Variants in SV2C observed in about 807,000 individuals in gnomAD.
SV2C encodes synaptic vesicle glycoprotein 2C.
Under a neutral mutation model 79.7 loss-of-function variants are expected in SV2C, and 49 were observed. The observed-to-expected ratio is 0.61, with a 90% CI of 0.49 to 0.78. The LOEUF (loss-of-function observed/expected upper bound fraction) is 0.78. Ranked by LOEUF, SV2C falls within the 30% of genes least tolerant of loss-of-function variation. The pLI, the probability that SV2C is intolerant of heterozygous loss-of-function variation, is 0.00. For missense variants in SV2C, 833 were observed against 912.9 expected, an observed-to-expected ratio of 0.91 and a Z score of 1.13; for synonymous variants, 334 against 333.2, an observed-to-expected ratio of 1.00 and a Z score of -0.03.
chr5:76,287,746 G>A lies in SV2C; in HGVS notation c.1137+1876G>A, dbSNP rs145768749. On this transcript the variant is annotated intron_variant, in intron 6 of 12. Transcript: ENST00000502798. ...TTAAATTGGTTGCAGGAAATGTTTC[G>A]GAAGGAACAATTGTTTAAAATCTTT... Among the ~76,000 whole-genome samples, 139 of 152,274 alleles carry A rather than the reference G, an allele frequency of 9.1e-4. 1 individual carries two copies. In the East Asian group the frequency reaches 0.025, roughly 27 times the overall value.
At chr5:76,016,825 G>T in the SV2C span, among the ~76,000 whole-genome samples, 1 of 152,182 alleles carries the variant, frequency 6.6e-6, no homozygotes, top group African/African-American at 2.4e-5. Flanking sequence ...TGCCATTATA[G>T]AAAACTTGGA....
rs1333718037 is a variant in SV2C, at chr5:76,285,143, C to G, written c.914-19C>G. On this transcript the variant is annotated intron_variant, in intron 4 of 12. Coordinates refer to ENST00000502798, the MANE Select transcript of SV2C (RefSeq NM_014979.4). Reference sequence around the variant, plus strand: ...TCTGGGAGGAGCTCTCCCTCACTCTCCGTGTCCTCCTTTTCCAGGGTGGAG... The same window carrying G: ...TCTGGGAGGAGCTCTCCCTCACTCTGCGTGTCCTCCTTTTCCAGGGTGGAG... The G allele has an allele frequency of 6.2e-7, 1 of 1,613,356 alleles. No homozygotes were observed. Among genetic ancestry groups the G allele is most frequent in the Non-Finnish European group, 8.5e-7 (1 of 1,179,568 alleles).
chr5:76,075,335 T>C, the SV2C span, among the ~76,000 whole-genome samples: 1 of 152,212 alleles, frequency 6.6e-6, no homozygotes, highest in African/African-American at 2.4e-5. Flanking sequence ...TTGAGCAGAA[T>C]TGTGTTACAA....
At chr5:76,336,081 C>T (rs1455879401), downstream of SV2C, among the ~76,000 whole-genome samples, 3 of 65,376 alleles carry the variant, frequency 4.6e-5, no homozygotes, top group Admixed American at 1.6e-4. Context: ...CCGGACGGGG[C>T]GGCTGGCCGG....
chr5:75,988,393 TAAATA>T, the SV2C span, among the ~76,000 whole-genome samples: 1 of 151,698 alleles, frequency 6.6e-6, no homozygotes, highest in African/African-American at 2.4e-5. Flanking sequence ...AAATACTAAA[TAAATA>T]AGAACTATTT....
In SV2C at chr5:76,291,309, G is replaced by A. The variant is rs368752277; in HGVS notation, c.1226G>A (p.Arg409Gln). Residue 409 changes from arginine (R) to glutamine (Q), a missense_variant, in exon 7 of 13, where the codon CGG becomes CAG. Transcript: ENST00000502798. Reference protein sequence around the residue: ...TGTWYRRCFVRIRTELYGIWL... With the variant: ...TGTWYRRCFVQIRTELYGIWL... ...ACATGGTATAGGAGGTGTTTTGTTC[G>A]GATCCGCACCGAGCTGTACGGAGTA... 72 of 1,612,060 alleles carry A rather than the reference G, an allele frequency of 4.5e-5. No homozygotes were observed. The highest frequency in any genetic ancestry group is 2.1e-4 in the African/African-American group (16 of 74,730).
chr5:76,222,814 G>A (rs1269077822), intron 4 of SV2C, among the ~76,000 whole-genome samples: 2 of 152,046 alleles, frequency 1.3e-5, no homozygotes, highest in Non-Finnish European at 2.9e-5. Context: ...AACAATTTTG[G>A]GGGGAAAAAC....
At chr5:75,891,291 G>T in the SV2C span, among the ~76,000 whole-genome samples, 1 of 152,112 alleles carries the variant, frequency 6.6e-6, no homozygotes, top group Non-Finnish European at 1.5e-5. Flanking sequence ...TCTTTGGTCA[G>T]CTACTTTTGT....
At chr5:75,928,668 C>T in the SV2C span, among the ~76,000 whole-genome samples, 32 of 152,104 alleles carry the variant, frequency 2.1e-4, no homozygotes, top group African/African-American at 7.7e-4. Flanking sequence ...GGAGTAGGCA[C>T]TGAACCCTCA....
At chr5:76,226,785 G>A (rs535491784) in intron 4 of SV2C, among the ~76,000 whole-genome samples, 4 of 152,298 alleles carry the variant, frequency 2.6e-5, no homozygotes, top group East Asian at 1.9e-4. Context: ...AGGAAGACAC[G>A]GGTGATGGGC....
chr5:76,174,345 G>T (rs569866741), intron 2 of SV2C, among the ~76,000 whole-genome samples: 3 of 152,256 alleles, frequency 2.0e-5, no homozygotes, highest in Non-Finnish European at 2.9e-5. Context: ...CCTGAATCTG[G>T]GCGAGGTTTT....
At chr5:76,124,568 A>G (rs73130272) in intron 1 of SV2C, among the ~76,000 whole-genome samples, 5,868 of 152,288 alleles carry the variant, frequency 0.039, 372 homozygotes, top group African/African-American at 0.13. Flanking sequence ...ACACTGTTAG[A>G]ATCATAGATG....
downstream of SV2C, among the ~76,000 whole-genome samples, chr5:76,334,572 A>G (rs1029988061): frequency 6.6e-6 from 1 of 152,210 alleles, no homozygotes; most frequent in Non-Finnish European, 1.5e-5. Context: ...CATCCTCATC[A>G]TACTGGCTTT....
chr5:76,147,454 C>G lies in SV2C; in HGVS notation c.580+15124C>G, dbSNP rs193003690. ...AGGAATCAGGATGCATATGTGGTCC[C>G]AATTCTGTGTCTGTGCCAGCTGTTC... is the stretch of plus-strand genomic sequence containing the variant. On this transcript the variant is annotated intron_variant, in intron 2 of 12. Transcript: ENST00000502798. 2.2e-3 allele frequency among the ~76,000 whole-genome samples: 333 copies of G among 150,624 alleles called. 3 individuals are homozygous for G. The highest frequency in any genetic ancestry group is 1.5e-3 in the Non-Finnish European group (100 of 67,980).
intron 2 of SV2C, among the ~76,000 whole-genome samples, chr5:76,179,626 C>T (rs533126564): frequency 2.6e-5 from 4 of 152,304 alleles, no homozygotes; most frequent in Admixed American, 6.5e-5. Flanking sequence ...AGTTTGGGAT[C>T]GAGGAGCCCT....
intron 1 of SV2C, among the ~76,000 whole-genome samples, chr5:76,091,257 T>C (rs1747367225): frequency 1.3e-5 from 2 of 152,242 alleles, no homozygotes; most frequent in Non-Finnish European, 2.9e-5. Flanking sequence ...GCCACATCCA[T>C]GTGAAGGCAG....
At chr5:76,140,596 CT>C (rs367595787) in intron 2 of SV2C, among the ~76,000 whole-genome samples, 14 of 152,276 alleles carry the variant, frequency 9.2e-5, no homozygotes, top group African/African-American at 3.4e-4. Flanking sequence ...TTGAACCAAT[CT>C]TTTTAGAGTG....
chr5:76,030,810 C>T, the SV2C span, among the ~76,000 whole-genome samples: 1 of 151,874 alleles, frequency 6.6e-6, no homozygotes, highest in Non-Finnish European at 1.5e-5. Flanking sequence ...AAGGTTTGTG[C>T]CTCCCTCTGG....
intron 2 of SV2C, among the ~76,000 whole-genome samples, chr5:76,184,060 T>G (rs944001586): frequency 6.6e-6 from 1 of 152,252 alleles, no homozygotes; most frequent in Non-Finnish European, 1.5e-5. Flanking sequence ...TTGGAAAGCT[T>G]TTAAGAAATA....
Sources: gnomAD v4.1 joint callset for allele counts (sites outside exome capture counted in the v4.1 genomes callset) on GRCh38, gnomAD v4.1.1 for gene constraint, MANE v1.5 for transcripts, NCBI Gene and HGNC (gene_info 2026-07-23, HGNC 2026-07-21) for gene names.